The following DPP6 variants were observed in gnomAD, a reference collection of about 807,000 sequenced individuals.
DPP6 encodes the protein A-type potassium channel modulatory protein DPP6.
DPP6 carries 69 observed loss-of-function variants against 122.6 expected under a neutral mutation model. That is an observed-to-expected ratio of 0.56 (90% CI 0.46 to 0.69). The LOEUF (loss-of-function observed/expected upper bound fraction) is 0.69, where lower values mean the gene tolerates loss of function less well. Among genes scored for constraint, DPP6 ranks in the 30% least tolerant of loss-of-function variants. The pLI is 0.00. For synonymous variants in DPP6, 418 were observed against 433.1 expected, an observed-to-expected ratio of 0.97 and a Z score of 0.43; for missense variants, 928 against 1,116.9, an observed-to-expected ratio of 0.83 and a Z score of 2.41.
intron 1 of DPP6, among the ~76,000 whole-genome samples, chr7:154,264,778 C>T (rs1031414399): frequency 7.7e-5 from 11 of 143,014 alleles, no homozygotes; most frequent in Admixed American, 2.8e-4. Context: ...TGATGATGAT[C>T]CTGATGATGG....
intron 1 of DPP6, among the ~76,000 whole-genome samples, chr7:153,935,431 A>G (rs1429302201): frequency 6.6e-6 from 1 of 152,014 alleles, no homozygotes; most frequent in African/African-American, 2.4e-5. Context: ...ACACCGGCCT[A>G]ACCTCCCACC....
chr7:153,995,596 A>AAG (rs1218231572), intron 1 of DPP6, among the ~76,000 whole-genome samples: 1 of 151,664 alleles, frequency 6.6e-6, no homozygotes. Context: ...CTCAAAAAAA[A>AAG]AAAAAAAAAA....
intron 1 of DPP6, among the ~76,000 whole-genome samples, chr7:154,273,511 T>C (rs1291719741): frequency 6.6e-6 from 1 of 152,234 alleles, no homozygotes; most frequent in Non-Finnish European, 1.5e-5. Flanking sequence ...ATACACTTTT[T>C]ATACTGAAGC....
At chr7:153,886,338 G>A (rs993429356), upstream of DPP6, among the ~76,000 whole-genome samples, 1 of 152,184 alleles carries the variant, frequency 6.6e-6, no homozygotes, top group Admixed American at 6.5e-5. Context: ...GTGGAGACGG[G>A]AACCCAGGTC....
chr7:154,120,348 C>T (rs1807358039), intron 1 of DPP6, among the ~76,000 whole-genome samples: 2 of 151,878 alleles, frequency 1.3e-5, no homozygotes, highest in Admixed American at 1.3e-4. Context: ...GGGTTCACGC[C>T]ATTCTCCTGC....
intron 1 of DPP6, among the ~76,000 whole-genome samples, chr7:153,981,621 C>T (rs1796592626): frequency 6.6e-6 from 1 of 152,134 alleles, no homozygotes; most frequent in South Asian, 2.1e-4. Flanking sequence ...TTAGTTGATG[C>T]AGTTTCTTCA....
the DPP6 span, among the ~76,000 whole-genome samples, chr7:153,872,499 C>A: frequency 6.6e-6 from 1 of 152,108 alleles, no homozygotes; most frequent in African/African-American, 2.4e-5. Context: ...CAGAAGAATT[C>A]TCATTGATGT....
chr7:154,573,778 T>G (rs1410911329), intron 5 of DPP6, among the ~76,000 whole-genome samples: 1 of 152,214 alleles, frequency 6.6e-6, no homozygotes, highest in East Asian at 1.9e-4. Flanking sequence ...ACTGTGAAAA[T>G]CAAATCATAT....
At chr7:154,064,170 C>T (rs12539280) in intron 1 of DPP6, among the ~76,000 whole-genome samples, 18,154 of 152,092 alleles carry the variant, frequency 0.12, 1,228 homozygotes, top group Middle Eastern at 0.22. Context: ...ACACCTCTGT[C>T]CCGCTCCCCG....
intron 4 of DPP6, 45 bp from the exon 5 acceptor site, chr7:154,566,794 CTTG>C (rs766786531): frequency 3.1e-5 from 33 of 1,081,244 alleles, no homozygotes; most frequent in South Asian, 1.9e-4. Flanking sequence ...AAGATTCTGA[CTTG>C]TTGTATGTAA....
chr7:154,846,922 C>T (rs192443298), intron 16 of DPP6, among the ~76,000 whole-genome samples: 1 of 146,966 alleles, frequency 6.8e-6, no homozygotes, highest in African/African-American at 2.5e-5. Flanking sequence ...TCTACTAATT[C>T]ATTCTGCATG....
chr7:154,188,844 A>T (rs138411751), intron 1 of DPP6, among the ~76,000 whole-genome samples: 66 of 152,374 alleles, frequency 4.3e-4, no homozygotes, highest in African/African-American at 1.5e-3. Flanking sequence ...TTCATCAGTC[A>T]TGACACAAAG....
Position 154,876,110 on chromosome 7 carries a change from C to A in DPP6, c.2078+10C>A. 2 of 1,569,286 alleles carry A rather than the reference C, an allele frequency of 1.3e-6. No homozygotes were observed. The highest frequency in any genetic ancestry group is 1.7e-6 in the Non-Finnish European group (2 of 1,157,028). Reference sequence around the variant, plus strand: ...AGATGGAGGCCGTGCGGTGAGCACCCGCCCAGGAAGCAGGAGAGGCCGGGA... The same window carrying A: ...AGATGGAGGCCGTGCGGTGAGCACCAGCCCAGGAAGCAGGAGAGGCCGGGA... On this transcript the variant is annotated intron_variant, in intron 20 of 25. Coordinates refer to ENST00000377770, the MANE Select transcript of DPP6 (RefSeq NM_130797.4).
At chr7:154,819,479 C>G (rs1799630358) in intron 16 of DPP6, among the ~76,000 whole-genome samples, 1 of 152,076 alleles carries the variant, frequency 6.6e-6, no homozygotes, top group Non-Finnish European at 1.5e-5. Flanking sequence ...TAGAATGTGT[C>G]CATTCCTTTT....
At chr7:154,149,611 A>G (rs1479884425) in intron 1 of DPP6, among the ~76,000 whole-genome samples, 2 of 151,704 alleles carry the variant, frequency 1.3e-5, no homozygotes, top group Non-Finnish European at 2.9e-5. Context: ...AAAAAGTCAT[A>G]TTTAAGACTT....
At chr7:154,520,595 C>T in intron 3 of DPP6, among the ~76,000 whole-genome samples, 1 of 152,250 alleles carries the variant, frequency 6.6e-6, no homozygotes, top group East Asian at 1.9e-4. Flanking sequence ...TGTCTCTCAG[C>T]CTATCCATTA....
chr7:154,335,423 T>C (rs1809325153), intron 1 of DPP6, among the ~76,000 whole-genome samples: 1 of 152,264 alleles, frequency 6.6e-6, no homozygotes, highest in South Asian at 2.1e-4. Context: ...TTATGGGTTG[T>C]ATAAATGACC....
chr7:154,433,591 G>C (rs1818626638), intron 1 of DPP6, among the ~76,000 whole-genome samples: 1 of 151,968 alleles, frequency 6.6e-6, no homozygotes, highest in Non-Finnish European at 1.5e-5. Flanking sequence ...GCACACCCGG[G>C]GGTTCTAAGG....
chr7:154,179,690 G>A (rs1430433814), intron 1 of DPP6, among the ~76,000 whole-genome samples: 1 of 152,192 alleles, frequency 6.6e-6, no homozygotes, highest in Non-Finnish European at 1.5e-5. Flanking sequence ...CTTGCTATGA[G>A]AAGCTGGCCT....
Sources: gnomAD v4.1 joint callset for allele counts (sites outside exome capture counted in the v4.1 genomes callset) on GRCh38, gnomAD v4.1.1 for gene constraint, MANE v1.5 for transcripts, NCBI Gene and HGNC (gene_info 2026-07-23, HGNC 2026-07-21) for gene names.